PTGER3: variants seen among roughly 807,000 people sequenced by gnomAD.
PTGER3 encodes the protein prostaglandin E2 receptor EP3 subtype.
A neutral mutation model predicts 34.7 loss-of-function variants in PTGER3; 22 were observed. That is an observed-to-expected ratio of 0.63 (90% CI 0.45 to 0.91). The LOEUF (loss-of-function observed/expected upper bound fraction) is 0.91. Ranked by LOEUF, PTGER3 falls within the 40% of genes least tolerant of loss-of-function variation. PTGER3 has a pLI of 0.00. For missense variants in PTGER3, 468 were observed against 519.4 expected (o/e 0.90, Z 0.96); for synonymous variants, 241 against 230.1 (o/e 1.05, Z -0.43).
At chr1:71,021,151 A>G (rs1658382860) in intron 1 of PTGER3, among the ~76,000 whole-genome samples, 1 of 152,188 alleles carries the variant, frequency 6.6e-6, no homozygotes, top group Admixed American at 6.5e-5. Flanking sequence ...AAGTAGTTTT[A>G]GAAAACTCAC....
At chr1:70,980,756 C>T (rs570670671) in intron 2 of PTGER3, among the ~76,000 whole-genome samples, 1 of 152,116 alleles carries the variant, frequency 6.6e-6, no homozygotes, top group Non-Finnish European at 1.5e-5. Flanking sequence ...ACAAACAGGC[C>T]ATTTATTATG....
At chr1:70,874,236 T>C (rs1276592975) in intron 4 of PTGER3, among the ~76,000 whole-genome samples, 1 of 152,204 alleles carries the variant, frequency 6.6e-6, no homozygotes, top group African/African-American at 2.4e-5. Flanking sequence ...CAGAACTGCA[T>C]GTACTCACAC....
rs1653082348 is a variant in PTGER3, at chr1:70,971,573, T to C, written c.*157A>G. 7.8e-7 allele frequency: 1 copy of C among 1,288,286 alleles called. No individual in the cohort carries two copies. Among genetic ancestry groups the C allele is most frequent in the Non-Finnish European group, 9.9e-7 (1 of 1,011,012 alleles). 79.8% of individuals were successfully genotyped at this position (1,288,286 alleles called of 1,614,324 possible). A position where few individuals can be genotyped will look rare whatever the true frequency, so the allele number is the denominator to read the frequency against. On this transcript the variant is annotated 3_prime_UTR_variant, in exon 4 of 4. Coordinates refer to ENST00000306666, the MANE Select transcript of PTGER3 (RefSeq NM_198719.2). ...ATGGATTATAATAATAAAGTTGATC[T>C]CCATGGGTATTACTGACAAAACAAT...
intron 4 of PTGER3, among the ~76,000 whole-genome samples, chr1:70,941,017 G>A (rs568432356): frequency 6.6e-6 from 1 of 152,248 alleles, no homozygotes; most frequent in East Asian, 1.9e-4. Context: ...CGAGTTATTT[G>A]CCAGCAAGAT....
intron 1 of PTGER3, among the ~76,000 whole-genome samples, chr1:71,038,443 T>C (rs1660015615): frequency 6.6e-6 from 1 of 152,206 alleles, no homozygotes; most frequent in South Asian, 2.1e-4. Flanking sequence ...TGCACAACTT[T>C]TGCCTAAATT....
intron 4 of PTGER3, among the ~76,000 whole-genome samples, chr1:70,896,034 C>G (rs1388142818): frequency 6.6e-6 from 1 of 152,170 alleles, no homozygotes; most frequent in Non-Finnish European, 1.5e-5. Flanking sequence ...CTGCCCTTTG[C>G]AGTGAAATGA....
At chr1:70,923,417 G>A (rs531432514) in intron 4 of PTGER3, among the ~76,000 whole-genome samples, 2 of 152,256 alleles carry the variant, frequency 1.3e-5, no homozygotes, top group East Asian at 3.9e-4. Context: ...ATCATCCACA[G>A]ACAATTTTTG....
chr1:70,990,800 A>G (rs972229819), intron 2 of PTGER3, among the ~76,000 whole-genome samples: 3 of 152,032 alleles, frequency 2.0e-5, no homozygotes, highest in African/African-American at 7.3e-5. Flanking sequence ...TATTTAACTA[A>G]CTGATATGTA....
chr1:70,965,565 C>A (rs1453464380), intron 2 of PTGER3, among the ~76,000 whole-genome samples: 1 of 152,122 alleles, frequency 6.6e-6, no homozygotes, highest in Admixed American at 6.5e-5. Flanking sequence ...ATATTACTAT[C>A]TTTTCCCCAT....
chr1:71,047,672 C>T lies in PTGER3; in HGVS notation c.-95G>A. On this transcript the variant is annotated 5_prime_UTR_variant, in exon 1 of 4. Transcript: ENST00000306666. The stretch of plus-strand genomic sequence containing the variant: ...CGGCGGCGGAGGTCGGCGTTTACCG[C>T]GGCTGGGGCTGGGCTGCCCCCCATG... The T allele has an allele frequency of 1.4e-6, 2 of 1,390,938 alleles. No individual in the cohort carries two copies. The highest frequency in any genetic ancestry group is 5.7e-5 in the Admixed American group (2 of 35,254). 86.2% of individuals were successfully genotyped at this position (1,390,938 alleles called of 1,614,324 possible). A position where few individuals can be genotyped will look rare whatever the true frequency, so the allele number is the denominator to read the frequency against.
chr1:70,918,648 C>G (rs1206098861), intron 4 of PTGER3, among the ~76,000 whole-genome samples: 2 of 151,978 alleles, frequency 1.3e-5, no homozygotes, highest in African/African-American at 4.8e-5. Flanking sequence ...CTTGAGCAAG[C>G]CTCTTCACAA....
At chr1:70,977,007 T>G (rs1013125642) in intron 2 of PTGER3, among the ~76,000 whole-genome samples, 4 of 152,180 alleles carry the variant, frequency 2.6e-5, no homozygotes, top group Non-Finnish European at 5.9e-5. Flanking sequence ...CCTTTGGATG[T>G]GAGACCCCAA....
intron 4 of PTGER3, among the ~76,000 whole-genome samples, chr1:70,902,573 G>A (rs560757137): frequency 1.3e-5 from 2 of 152,356 alleles, no homozygotes; most frequent in South Asian, 4.1e-4. Flanking sequence ...CAGATTTGGA[G>A]AGAAAAGAGA....
At chr1:70,941,944 A>G (rs1649797678) in intron 4 of PTGER3, among the ~76,000 whole-genome samples, 3 of 152,172 alleles carry the variant, frequency 2.0e-5, no homozygotes, top group African/African-American at 7.2e-5. Context: ...CAAATTTATA[A>G]GAACCCAAAC....
At chr1:71,033,981 T>C (rs962331978) in intron 1 of PTGER3, among the ~76,000 whole-genome samples, 1 of 152,164 alleles carries the variant, frequency 6.6e-6, no homozygotes, top group Non-Finnish European at 1.5e-5. Flanking sequence ...TGGTATAGTA[T>C]TTTTATCTTT....
At chr1:70,880,036 G>A (rs1033883696) in intron 4 of PTGER3, among the ~76,000 whole-genome samples, 4 of 151,910 alleles carry the variant, frequency 2.6e-5, no homozygotes, top group African/African-American at 9.7e-5. Flanking sequence ...AAGTTGAAGT[G>A]AGCCAAGATT....
At chr1:71,046,149 G>T (rs548160815) in intron 1 of PTGER3, among the ~76,000 whole-genome samples, 2 of 151,668 alleles carry the variant, frequency 1.3e-5, no homozygotes, top group Non-Finnish European at 2.9e-5. Flanking sequence ...GCCGGGCGTG[G>T]TGGCGGGCGC....
intron 4 of PTGER3, among the ~76,000 whole-genome samples, chr1:70,939,160 T>C (rs1391850332): frequency 6.6e-6 from 1 of 152,106 alleles, no homozygotes; most frequent in African/African-American, 2.4e-5. Context: ...ACCGTGCAAG[T>C]CCAAAATCCA....
intron 1 of PTGER3, among the ~76,000 whole-genome samples, chr1:71,019,769 A>G (rs901826784): frequency 2.0e-5 from 3 of 152,192 alleles, no homozygotes; most frequent in Non-Finnish European, 4.4e-5. Flanking sequence ...TAGGCCACAC[A>G]TATCTATTAA....
Sources: allele counts gnomAD v4.1 joint callset (sites outside exome capture counted in the v4.1 genomes callset), GRCh38; gene constraint gnomAD v4.1.1; transcripts MANE v1.5; gene names NCBI Gene and HGNC (gene_info 2026-07-23, HGNC 2026-07-21).